The following STAP1 variants were observed in gnomAD, a reference collection of about 807,000 sequenced individuals.
The protein encoded by STAP1 is signal transducing adaptor family member 1.
A neutral mutation model predicts 37.8 loss-of-function variants in STAP1; 30 were observed. The observed-to-expected ratio is 0.79, with a 90% CI of 0.59 to 1.08. The LOEUF (loss-of-function observed/expected upper bound fraction) is 1.08, where lower values mean the gene tolerates loss of function less well. Ranked by LOEUF, STAP1 falls within the 50% of genes least tolerant of loss-of-function variation. The pLI is 0.00. For synonymous variants in STAP1, 130 were observed against 116.0 expected (o/e 1.12, Z -0.78); for missense variants, 357 against 349.4 (o/e 1.02, Z -0.17).
chr4:67,570,921 A>G (rs72848534), intron 1 of STAP1, among the ~76,000 whole-genome samples, 163 bp from the exon 2 acceptor site: 176 of 152,250 alleles, frequency 1.2e-3, no homozygotes, highest in African/African-American at 4.1e-3. Flanking sequence ...CAAAAAATGA[A>G]AAGAATTAAA....
At chr4:67,606,184 A>T in intron 8 of STAP1, 112 bp from the exon 9 acceptor site, 1 of 756,140 alleles carries the variant, frequency 1.3e-6, no homozygotes, top group Non-Finnish European at 2.1e-6. Context: ...ATTACTAAAC[A>T]CACCAGCAAT....
intron 6 of STAP1, 41 bp from the exon 7 acceptor site, chr4:67,590,843 T>C: frequency 6.9e-7 from 1 of 1,442,718 alleles, no homozygotes; most frequent in Non-Finnish European, 9.6e-7. Context: ...ATTTACCCAA[T>C]TGTATAATAA....
chr4:67,564,296 T>C (rs920849757), intron 1 of STAP1, among the ~76,000 whole-genome samples: 2 of 152,150 alleles, frequency 1.3e-5, no homozygotes, highest in African/African-American at 2.4e-5. Flanking sequence ...ATTTAATAAA[T>C]CCTTAATCCT....
At chr4:67,595,421 T>C (rs1021598736) in intron 8 of STAP1, among the ~76,000 whole-genome samples, 1 of 145,932 alleles carries the variant, frequency 6.9e-6, no homozygotes, top group East Asian at 2.0e-4. Flanking sequence ...TGGTAGCACA[T>C]GCCTGTAGTC....
At chr4:67,573,551 A>G (rs1727651124) in intron 2 of STAP1, among the ~76,000 whole-genome samples, 1 of 152,174 alleles carries the variant, frequency 6.6e-6, no homozygotes, top group Admixed American at 6.5e-5. Context: ...CTCAGAAAAA[A>G]GATTTCTGTT....
intron 6 of STAP1, among the ~76,000 whole-genome samples, chr4:67,585,056 G>T (rs1415903894): frequency 1.3e-5 from 2 of 152,172 alleles, no homozygotes; most frequent in African/African-American, 4.8e-5. Flanking sequence ...CAAAGTCTAT[G>T]AGAACTTGCA....
In STAP1 at chr4:67,583,639, A is replaced by G. The variant is rs1560462324; in HGVS notation, c.596A>G (p.Asn199Ser). The change falls in exon 6 of 9, where the codon AAT (asparagine) becomes AGT (serine). Residue 199 changes from asparagine (N) to serine (S), a missense_variant. Coordinates refer to ENST00000265404, the MANE Select transcript of STAP1 (RefSeq NM_012108.4). ...CTCCAGAAGAACCCTTCTTTGGGAA[A>G]TATGATCCTGAGGCCTGGTAGTGAC... ...EMLQKNPSLG[N>S]MILRPGSDSR... 3 of 1,614,056 alleles carry G rather than the reference A, an allele frequency of 1.9e-6. No individual in the cohort carries two copies. Among genetic ancestry groups the G allele is most frequent in the East Asian group, 2.2e-5 (1 of 44,856 alleles).
At chr4:67,564,609 A>G (rs527514503) in intron 1 of STAP1, among the ~76,000 whole-genome samples, 4 of 152,240 alleles carry the variant, frequency 2.6e-5, no homozygotes, top group Admixed American at 6.5e-5. Flanking sequence ...GAATCATACA[A>G]TCCTGGAGTT....
chr4:67,576,771 C>T (rs1578026265), intron 3 of STAP1, among the ~76,000 whole-genome samples: 2 of 152,114 alleles, frequency 1.3e-5, no homozygotes, highest in African/African-American at 4.8e-5. Context: ...TGAGACTACA[C>T]GCATGAGCTA....
chr4:67,586,656 TCACAA>T (rs1367055132), intron 6 of STAP1, among the ~76,000 whole-genome samples: 1 of 152,212 alleles, frequency 6.6e-6, no homozygotes, highest in Non-Finnish European at 1.5e-5. Context: ...CAGTTTTTAC[TCACAA>T]TTGTATTGTA....
chr4:67,587,277 G>A (rs554107137), intron 6 of STAP1, among the ~76,000 whole-genome samples: 1 of 152,354 alleles, frequency 6.6e-6, no homozygotes, highest in East Asian at 1.9e-4. Context: ...CAAGTTAGAT[G>A]AGTGTGTCTG....
At chr4:67,601,151 A>T (rs1577771785) in intron 8 of STAP1, among the ~76,000 whole-genome samples, 1 of 152,118 alleles carries the variant, frequency 6.6e-6, no homozygotes, top group South Asian at 2.1e-4. Context: ...TTTAAATTTG[A>T]AATACCATTA....
rs149803575 is a variant in STAP1 at position 67,581,355 on chromosome 4, G to C, written c.414G>C (p.Leu138=). 1,292 of 1,614,014 alleles carry C rather than the reference G, an allele frequency of 8.0e-4. 21 individuals are homozygous for C. In the South Asian group the frequency reaches 0.011, roughly 13 times the overall value. ...TCCTACCTGGGCAAGTAATTAAACTGCATGAAGTCCTAGAGAGAGAAAAGA... is the reference window on the plus strand; with the variant it reads ...TCCTACCTGGGCAAGTAATTAAACTCCATGAAGTCCTAGAGAGAGAAAAGA... ...VSLLPGQVIK[L]HEVLEREKKR... is the part of the protein sequence containing the mutation. Residue 138 remains leucine, a synonymous_variant, in exon 5 of 9, where the codon CTG becomes CTC. Transcript: ENST00000265404.
intron 8 of STAP1, among the ~76,000 whole-genome samples, chr4:67,601,752 T>C (rs907952479): frequency 2.6e-5 from 4 of 152,220 alleles, no homozygotes; most frequent in African/African-American, 9.6e-5. Context: ...TTTGTTGCTT[T>C]TCTCTTGCTG....
At chr4:67,605,229 T>C (rs1728425457) in intron 8 of STAP1, among the ~76,000 whole-genome samples, 1 of 152,050 alleles carries the variant, frequency 6.6e-6, no homozygotes, top group Non-Finnish European at 1.5e-5. Context: ...AAAATGTAAT[T>C]CCAATTCTCC....
At chr4:67,586,841 C>T (rs890617057) in intron 6 of STAP1, among the ~76,000 whole-genome samples, 6 of 152,142 alleles carry the variant, frequency 3.9e-5, no homozygotes, top group Admixed American at 2.0e-4. Flanking sequence ...AATCATTCTC[C>T]CCCTGCAAAA....
chr4:67,604,541 C>T (rs1383903652), intron 8 of STAP1, among the ~76,000 whole-genome samples: 2 of 152,078 alleles, frequency 1.3e-5, no homozygotes, highest in Non-Finnish European at 2.9e-5. Context: ...TGTTTATGAC[C>T]ACCTCATGAA....
chr4:67,560,189 T>G (rs915771903), intron 1 of STAP1, among the ~76,000 whole-genome samples: 7 of 151,514 alleles, frequency 4.6e-5, no homozygotes, highest in African/African-American at 1.7e-4. Context: ...AGAAGACATG[T>G]CATTGGTATG....
intron 8 of STAP1, among the ~76,000 whole-genome samples, chr4:67,596,099 G>C (rs557077134): frequency 1.9e-4 from 29 of 152,028 alleles, no homozygotes; most frequent in Non-Finnish European, 3.1e-4. Context: ...ATCTCGAATC[G>C]TAATCCCCAA....
Sources: allele counts gnomAD v4.1 joint callset (sites outside exome capture counted in the v4.1 genomes callset), GRCh38; gene constraint gnomAD v4.1.1; transcripts MANE v1.5; gene names NCBI Gene and HGNC (gene_info 2026-07-23, HGNC 2026-07-21).